Variants in GNL1 observed in about 807,000 individuals in gnomAD.
The protein encoded by GNL1 is guanine nucleotide-binding protein-like 1.
Under a neutral mutation model 75.2 loss-of-function variants are expected in GNL1, and 21 were observed. The observed-to-expected ratio is 0.28, with a 90% CI of 0.20 to 0.40. The LOEUF (loss-of-function observed/expected upper bound fraction) is 0.40. Among genes scored for constraint, GNL1 ranks in the 10% least tolerant of loss-of-function variants. The pLI, the probability that GNL1 is intolerant of heterozygous loss-of-function variation, is 1.00. For synonymous variants in GNL1, 287 were observed against 303.4 expected, an observed-to-expected ratio of 0.95 and a Z score of 0.56; for missense variants, 579 against 775.0, an observed-to-expected ratio of 0.75 and a Z score of 3.00.
intron 8 of GNL1, among the ~76,000 whole-genome samples, chr6:30,549,412 A>G (rs1799637270): frequency 6.6e-6 from 1 of 152,184 alleles, no homozygotes; most frequent in Non-Finnish European, 1.5e-5. Flanking sequence ...ATCTCTCAAC[A>G]ATGCAGCTTA....
rs997910229 is a variant in GNL1 at position 30,544,911 on chromosome 6, T to C, written c.*1161A>G. 1 of 152,158 alleles carries C rather than the reference T, an allele frequency of 6.6e-6. No individual in the cohort carries two copies. Among genetic ancestry groups the C allele is most frequent in the African/African-American group, 2.4e-5 (1 of 41,420 alleles). 9.4% of individuals were successfully genotyped at this position (152,158 alleles called of 1,614,324 possible). On this transcript the variant is annotated 3_prime_UTR_variant, in exon 12 of 12. Coordinates refer to ENST00000376621, the MANE Select transcript of GNL1 (RefSeq NM_005275.5). ...TGCTATCATCCAATACAGACAACAC[T>C]GGCAGTCAATAAAAAAGCTCATTCT...
Position 30,546,165 on chromosome 6 carries a change from C to T in GNL1, c.1731G>A (p.Glu577=). The change falls in exon 12 of 12, where the codon GAG becomes GAA. Residue 577 remains glutamate, a synonymous_variant. Coordinates refer to ENST00000376621, the MANE Select transcript of GNL1 (RefSeq NM_005275.5). The surrounding 1 kb of genome is among the most constrained non-coding windows in gnomAD (Gnocchi z 5.1). ...TTGGGGTCTCCTCATCCCCTTCTCC[C>T]TCCTCATCCGCATCCCGGTCCTCCT... ...EGEEDRDADE[E]GEGDEETPTS... is the part of the protein sequence containing the mutation. 7.7e-6 allele frequency: 12 copies of T among 1,562,150 alleles called. No individual in the cohort carries two copies. Among genetic ancestry groups the T allele is most frequent in the Non-Finnish European group, 1.0e-5 (12 of 1,151,940 alleles).
chr6:30,555,536 C>T lies in GNL1; in HGVS notation c.239+19G>A, dbSNP rs766806479. ...GGGTAGGCGGGAAAGCCGGGACCAGCGCCCCCTCCCACCCTCACCGATTTG... is the reference window on the plus strand; with the variant it reads ...GGGTAGGCGGGAAAGCCGGGACCAGTGCCCCCTCCCACCCTCACCGATTTG... On this transcript the variant is annotated intron_variant, in intron 2 of 11. Coordinates refer to ENST00000376621, the MANE Select transcript of GNL1 (RefSeq NM_005275.5). The surrounding 1 kb of genome is among the most constrained non-coding windows in gnomAD (Gnocchi z 4.3). The T allele has an allele frequency of 6.3e-7, 1 of 1,598,794 alleles. No homozygotes were observed. Among genetic ancestry groups the T allele is most frequent in the Non-Finnish European group, 8.5e-7 (1 of 1,169,980 alleles).
chr6:30,553,561 G>A lies in GNL1; in HGVS notation c.601-4C>T. ...GTGCTGGCGGGAAATTCACAACCTA[G>A]GACAGAGTTGATAAGAGGATGGAGC... On this transcript the variant is annotated splice_polypyrimidine_tract_variant and splice_region_variant and intron_variant, in intron 5 of 11. Transcript: ENST00000376621. 1 of 1,603,740 alleles carries A rather than the reference G, an allele frequency of 6.2e-7. No homozygotes were observed. Among genetic ancestry groups the A allele is most frequent in the Non-Finnish European group, 8.5e-7 (1 of 1,171,586 alleles).
In GNL1 at chr6:30,546,061, G is replaced by A. The variant is rs765309767; in HGVS notation, c.*11C>T. 1.3e-6 allele frequency: 2 copies of A among 1,586,034 alleles called. No homozygotes were observed. The highest frequency in any genetic ancestry group is 1.7e-6 in the Non-Finnish European group (2 of 1,163,968). ...AGATACTGGGAGGGAAGATGGCGCT[G>A]GGCGAGGAACTCAGCACTCATCCTC... On this transcript the variant is annotated 3_prime_UTR_variant, in exon 12 of 12. Transcript: ENST00000376621. The surrounding 1 kb of genome is among the most constrained non-coding windows in gnomAD (Gnocchi z 5.1).
Position 30,545,505 on chromosome 6 carries a change from C to A in GNL1, c.*567G>T, listed in dbSNP as rs1799394783. On this transcript the variant is annotated 3_prime_UTR_variant, in exon 12 of 12. Transcript: ENST00000376621. ...TTTAGGTCAGGCTCTGGTGGTACAT[C>A]CTTATATGCTTGGTGCTCAGCACAG... is the stretch of plus-strand genomic sequence containing the variant. The A allele has an allele frequency of 6.6e-6, 1 of 152,376 alleles. No homozygotes were observed. The highest frequency in any genetic ancestry group is 2.4e-5 in the African/African-American group (1 of 41,424). 9.4% of individuals were successfully genotyped at this position (152,376 alleles called of 1,614,324 possible). A position where few individuals can be genotyped will look rare whatever the true frequency, so the allele number is the denominator to read the frequency against.
rs375295651 is a variant in GNL1 at position 30,543,762 on chromosome 6, T to G, written c.*2310A>C. 1 of 152,162 alleles carries G rather than the reference T, an allele frequency of 6.6e-6. No homozygotes were observed. Among genetic ancestry groups the G allele is most frequent in the Non-Finnish European group, 1.5e-5 (1 of 68,030 alleles). 9.4% of individuals were successfully genotyped at this position (152,162 alleles called of 1,614,324 possible). On this transcript the variant is annotated 3_prime_UTR_variant, in exon 12 of 12. Coordinates refer to ENST00000376621, the MANE Select transcript of GNL1 (RefSeq NM_005275.5). ...AAGAAGTGAACAAAGGGCCAGATAA[T>G]TGAACTATCCTGGACCACACACAGC... is the stretch of plus-strand genomic sequence containing the variant.
In GNL1 at chr6:30,555,045, TCTCA is replaced by T; in HGVS notation, c.376+6_376+9del. The T allele has an allele frequency of 6.2e-7, 1 of 1,612,984 alleles. No homozygotes were observed. On this transcript the variant is annotated splice_donor_region_variant and intron_variant, in intron 3 of 11. Transcript: ENST00000376621. The surrounding 1 kb of genome is among the most constrained non-coding windows in gnomAD (Gnocchi z 4.3). The stretch of plus-strand genomic sequence containing the variant: ...TTCCCCAGCCCAATGCCTGTCTTGC[TCTCA>T]CTCACCTGAGCCAGGCTGATACACC...
Position 30,541,463 on chromosome 6 carries a change from T to C in GNL1, c.*4609A>G, listed in dbSNP as rs961352684. 5 of 152,234 alleles carry C rather than the reference T, an allele frequency of 3.3e-5. No individual in the cohort carries two copies. The highest frequency in any genetic ancestry group is 7.3e-5 in the Non-Finnish European group (5 of 68,032). The allele number at this position is 152,234 out of a possible 1,614,324, so 9.4% of individuals were successfully genotyped here. ...ATATTAAAACACTGAAACTTGCTAC[T>C]GACACAAGAACGACAATGCACTAAC... On this transcript the variant is annotated 3_prime_UTR_variant, in exon 12 of 12. Coordinates refer to ENST00000376621, the MANE Select transcript of GNL1 (RefSeq NM_005275.5).
At chr6:30,553,886 T>C (rs1799961346) in intron 5 of GNL1, among the ~76,000 whole-genome samples, 1 of 152,220 alleles carries the variant, frequency 6.6e-6, no homozygotes, top group African/African-American at 2.4e-5. Flanking sequence ...TCTGCTTTTT[T>C]GTGTGTGCAC....
In GNL1 at chr6:30,554,847, C is replaced by A; in HGVS notation, c.445G>T (p.Glu149Ter). The A allele has an allele frequency of 6.2e-7, 1 of 1,612,396 alleles. No individual in the cohort carries two copies. Among genetic ancestry groups the A allele is most frequent in the East Asian group, 2.2e-5 (1 of 44,880 alleles). ...MSKEQLMSQE[E>*]RSFQDYLGKI... is the part of the protein sequence containing the mutation. Reference sequence around the variant, plus strand: ...CCAAGATAGTCTTGGAAGCTCCGTTCCTCTTGGCTCATTAGTTGCTCCTTG... The same window carrying A: ...CCAAGATAGTCTTGGAAGCTCCGTTACTCTTGGCTCATTAGTTGCTCCTTG... The change falls in exon 4 of 12, where the codon GAA becomes TAA. Residue 149 changes from glutamate (E) to a stop codon, truncating the protein, a stop_gained. Transcript: ENST00000376621. LOFTEE classifies it high-confidence loss of function.
Position 30,545,811 on chromosome 6 carries a change from C to T in GNL1, c.*261G>A. 4.1e-6 allele frequency: 2 copies of T among 490,956 alleles called. No homozygotes were observed. The highest frequency in any genetic ancestry group is 3.9e-5 in the East Asian group (1 of 25,382). The allele number at this position is 490,956 out of a possible 1,614,324, so 30.4% of individuals were successfully genotyped here. On this transcript the variant is annotated 3_prime_UTR_variant, in exon 12 of 12. Coordinates refer to ENST00000376621, the MANE Select transcript of GNL1 (RefSeq NM_005275.5). ...AGAGTGGGAGAATGGGTAGAGGAAG[C>T]AGGTTTCAGAGACTGAGAACCTACT...
chr6:30,546,348 G>C lies in GNL1; in HGVS notation c.1583-35C>G, dbSNP rs201944085. ...CAAAACAAGAAAAAAATGGAGGAGA[G>C]TTTTGAGCAAGAACTAAAGCCAAGG... On this transcript the variant is annotated intron_variant, in intron 11 of 11. Transcript: ENST00000376621. The surrounding 1 kb of genome is among the most constrained non-coding windows in gnomAD (Gnocchi z 5.1). The C allele has an allele frequency of 3.6e-6, 5 of 1,395,692 alleles. No homozygotes were observed. Among genetic ancestry groups the C allele is most frequent in the Non-Finnish European group, 5.0e-6 (5 of 999,782 alleles). The allele number at this position is 1,395,692 out of a possible 1,614,324, so 86.5% of individuals were successfully genotyped here.
rs1051610743 is a variant in GNL1, at chr6:30,556,329, A to T, written c.-126T>A. The T allele has an allele frequency of 6.4e-6, 7 of 1,087,792 alleles. No individual in the cohort carries two copies. The highest frequency in any genetic ancestry group is 9.4e-6 in the Non-Finnish European group (7 of 744,400). The allele number at this position is 1,087,792 out of a possible 1,614,324, so 67.4% of individuals were successfully genotyped here. A position where few individuals can be genotyped will look rare whatever the true frequency, so the allele number is the denominator to read the frequency against. On this transcript the variant is annotated 5_prime_UTR_variant, in exon 1 of 12. Transcript: ENST00000376621. This position sits in a 1 kb window ranked among gnomAD's most constrained non-coding sequence, Gnocchi z 5.7. ...GGAGGCGGGGCTAGCAGGTGACGTC[A>T]GCGGGCGGGCCCGACAGAATTACCG... is the stretch of plus-strand genomic sequence containing the variant.
intron 6 of GNL1, 66 bp from the exon 7 acceptor site, chr6:30,553,245 T>C (rs1582510157): frequency 6.9e-7 from 1 of 1,442,714 alleles, no homozygotes; most frequent in East Asian, 2.3e-5. Flanking sequence ...CCACCACCCT[T>C]AGGCCCAAGA....
chr6:30,556,370 A>C lies in GNL1; in HGVS notation c.-167T>G. The stretch of plus-strand genomic sequence containing the variant: ...AGAATTACCGCCGCGGCGGCGATGG[A>C]AGGCGGACGGGGGAGATATAGTCAC... On this transcript the variant is annotated 5_prime_UTR_variant, in exon 1 of 12. Coordinates refer to ENST00000376621, the MANE Select transcript of GNL1 (RefSeq NM_005275.5). The surrounding 1 kb of genome is among the most constrained non-coding windows in gnomAD (Gnocchi z 5.7). 1.4e-6 allele frequency: 1 copy of C among 698,660 alleles called. No homozygotes were observed. The highest frequency in any genetic ancestry group is 2.4e-6 in the Non-Finnish European group (1 of 414,458). 43.3% of individuals were successfully genotyped at this position (698,660 alleles called of 1,614,324 possible). A position where few individuals can be genotyped will look rare whatever the true frequency, so the allele number is the denominator to read the frequency against.
In GNL1 at chr6:30,546,432, C is replaced by G; in HGVS notation, c.1583-119G>C. On this transcript the variant is annotated intron_variant, in intron 11 of 11. Transcript: ENST00000376621. This position sits in a 1 kb window ranked among gnomAD's most constrained non-coding sequence, Gnocchi z 5.1. Reference sequence around the variant, plus strand: ...AATAATCTTTAGAGCTGCTGGCATTCATTCATTCATCCATTCATTCAACTT... The same window carrying G: ...AATAATCTTTAGAGCTGCTGGCATTGATTCATTCATCCATTCATTCAACTT... The G allele has an allele frequency of 2.8e-6, 2 of 714,512 alleles. No homozygotes were observed. The highest frequency in any genetic ancestry group is 2.4e-6 in the Non-Finnish European group (1 of 419,818). 44.3% of individuals were successfully genotyped at this position (714,512 alleles called of 1,614,324 possible).
rs1376045466 is a variant in GNL1, at chr6:30,547,996, T to C, written c.1100-466A>G. Among the ~76,000 whole-genome samples, 1 of 151,978 alleles carries C rather than the reference T, an allele frequency of 6.6e-6. No individual in the cohort carries two copies. Among genetic ancestry groups the C allele is most frequent in the African/African-American group, 2.4e-5 (1 of 41,368 alleles). ...TTCAAGACCAGCCTGGCCAACATGG[T>C]GAAACCCCATCTCTACTAAAAATAC... On this transcript the variant is annotated intron_variant, in intron 8 of 11. Coordinates refer to ENST00000376621, the MANE Select transcript of GNL1 (RefSeq NM_005275.5). The surrounding 1 kb of genome is among the most constrained non-coding windows in gnomAD (Gnocchi z 5.5).
At position 30,546,117 on chromosome 6, in the gene GNL1, C is replaced by T. The variant is rs753223419; in HGVS notation, c.1779G>A (p.Leu593=). The change falls in exon 12 of 12, where the codon CTG becomes CTA. Residue 593 remains leucine, a synonymous_variant. Coordinates refer to ENST00000376621, the MANE Select transcript of GNL1 (RefSeq NM_005275.5). This position sits in a 1 kb window ranked among gnomAD's most constrained non-coding sequence, Gnocchi z 5.1. ...GCAGGGCATAAGGGTTTCGGCCAGC[C>T]AGGCTGGACCCTGGAGCCGAGGTTG... ...ETPTSAPGSS[L]AGRNPYALLG... is the part of the protein sequence containing the mutation. The T allele has an allele frequency of 6.3e-7, 1 of 1,579,008 alleles. No homozygotes were observed. Among genetic ancestry groups the T allele is most frequent in the Non-Finnish European group, 8.6e-7 (1 of 1,162,802 alleles).
Sources: allele counts gnomAD v4.1 joint callset (sites outside exome capture counted in the v4.1 genomes callset), GRCh38; gene constraint gnomAD v4.1.1; non-coding constraint Gnocchi (gnomAD v3.1); transcripts MANE v1.5; gene names NCBI Gene and HGNC (gene_info 2026-07-23, HGNC 2026-07-21).